The following HTR3E variants were observed in gnomAD, a reference collection of about 807,000 sequenced individuals.
The protein encoded by HTR3E is 5-hydroxytryptamine (serotonin) receptor 3, family member E.
In HTR3E, 38 loss-of-function variants were observed where a neutral mutation model predicts 38.0. The observed-to-expected ratio is 1.00, with a 90% CI of 0.77 to 1.31. The LOEUF is 1.31. Ranked by LOEUF, HTR3E falls within the 50% of genes most tolerant of loss-of-function variation. The pLI is 0.00. For missense variants in HTR3E, 547 were observed against 585.2 expected (o/e 0.93, Z 0.67); for synonymous variants, 210 against 232.9 (o/e 0.90, Z 0.89).
chr3:184,106,188 T>C lies in HTR3E; in HGVS notation c.986T>C (p.Ile329Thr). 1 of 1,612,738 alleles carries C rather than the reference T, an allele frequency of 6.2e-7. No homozygotes were observed. Among genetic ancestry groups the C allele is most frequent in the Non-Finnish European group, 8.5e-7 (1 of 1,179,974 alleles). ...GGCAGCCTGCTGGAGACCATCTTCA[T>C]CACCCACCTGCTGCACGTGGCCACC... ...MVGSLLETIF[I>T]THLLHVATTQ... is the part of the protein sequence containing the mutation. The change falls in exon 8 of 9, where the codon ATC becomes ACC. Residue 329 changes from isoleucine (I) to threonine (T), a missense_variant. Coordinates refer to ENST00000415389, the MANE Select transcript of HTR3E (RefSeq NM_001256613.2). This position sits in a 1 kb window ranked among gnomAD's most constrained non-coding sequence, Gnocchi z 4.1.
rs139988027 is a variant in HTR3E, at chr3:184,097,484, T to A, written c.-46T>A. On this transcript the variant is annotated 5_prime_UTR_variant, in exon 1 of 9. Transcript: ENST00000415389. ...GGCCTGTGCTGCTTTAATCTGGGCA[T>A]TCCTGGGTCCCAGTACATGTTCAGA... The A allele has an allele frequency of 2.3e-4, 336 of 1,432,480 alleles. No homozygotes were observed. The African/African-American group carries it at 3.9e-3, about 17-fold the overall frequency. The allele number at this position is 1,432,480 out of a possible 1,614,324, so 88.7% of individuals were successfully genotyped here.
chr3:184,101,039 G>A (rs987268251), intron 2 of HTR3E, among the ~76,000 whole-genome samples: 8 of 152,126 alleles, frequency 5.3e-5, no homozygotes, highest in Non-Finnish European at 1.0e-4. Flanking sequence ...CACCTCCTGG[G>A]CTCAAGCGAT....
chr3:184,097,633 G>A, intron 1 of HTR3E, 37 bp downstream of exon 1: 3 of 1,469,144 alleles, frequency 2.0e-6, no homozygotes, highest in Non-Finnish European at 2.8e-6. Flanking sequence ...GGCGGAAGAA[G>A]GAGGACCTCT....
At chr3:184,100,406 C>G (rs142990158) in intron 1 of HTR3E, 79 bp from the exon 2 acceptor site, 1 of 1,613,904 alleles carries the variant, frequency 6.2e-7, no homozygotes, top group South Asian at 1.1e-5. Context: ...GGCGACCCCA[C>G]GCCCTGCCTT....
At chr3:184,097,651 A>G (rs6765267) in intron 1 of HTR3E, 55 bp downstream of exon 1, 635,062 of 1,341,112 alleles carry the variant, frequency 0.47, 153,187 homozygotes, top group East Asian at 0.73. Context: ...TCTCTCTAGT[A>G]GAACATCTAG....
At chr3:184,105,556 C>T in intron 6 of HTR3E, 129 bp downstream of exon 6, 1 of 1,133,082 alleles carries the variant, frequency 8.8e-7, no homozygotes, top group Non-Finnish European at 1.2e-6. Context: ...TTCCCAGCCT[C>T]ATTCTTCATC....
chr3:184,097,410 G>T lies in HTR3E; in HGVS notation c.-120G>T, dbSNP rs966240044. 4.4e-6 allele frequency: 3 copies of T among 688,636 alleles called. No homozygotes were observed. The African/African-American group carries it at 5.4e-5, about 12-fold the overall frequency. The allele number at this position is 688,636 out of a possible 1,614,324, so 42.7% of individuals were successfully genotyped here. On this transcript the variant is annotated 5_prime_UTR_variant, in exon 1 of 9. The change abolishes an upstream ATG in the 5' untranslated region. Transcript: ENST00000415389. Reference sequence around the variant, plus strand: ...CACTCTTTGAAGGAAGGTTACAAATGTCAGTGGTCAACCAATGCTATTAGT... The same window carrying T: ...CACTCTTTGAAGGAAGGTTACAAATTTCAGTGGTCAACCAATGCTATTAGT...
At chr3:184,099,763 A>G (rs959237927) in intron 1 of HTR3E, among the ~76,000 whole-genome samples, 1 of 151,256 alleles carries the variant, frequency 6.6e-6, no homozygotes, top group Non-Finnish European at 1.5e-5. Flanking sequence ...CACAATTATT[A>G]TATGTCCATT....
intron 3 of HTR3E, among the ~76,000 whole-genome samples, chr3:184,103,051 A>C (rs1207515100): frequency 2.0e-5 from 3 of 152,274 alleles, no homozygotes; most frequent in African/African-American, 7.2e-5. Context: ...TGAAAATTAT[A>C]CATATGAAAA....
At position 184,100,578 on chromosome 3, in the gene HTR3E, T is replaced by G. The variant is rs750435272; in HGVS notation, c.161T>G (p.Phe54Cys). 6.2e-7 allele frequency: 1 copy of G among 1,614,094 alleles called. No individual in the cohort carries two copies. The highest frequency in any genetic ancestry group is 1.1e-5 in the South Asian group (1 of 91,078). The change falls in exon 2 of 9, where the codon TTC becomes TGC. Residue 54 changes from phenylalanine (F) to cysteine (C), a missense_variant. By Grantham distance (205) the Phe-to-Cys change is radical. Coordinates refer to ENST00000415389, the MANE Select transcript of HTR3E (RefSeq NM_001256613.2). ...ALNSVFNRKP[F>C]RPVTNISVPT... ...AATTCAGTGTTTAATAGAAAGCCCT[T>G]CCGTCCGGTCACCAACATCAGCGTC...
At chr3:184,100,357 A>G in intron 1 of HTR3E, 128 bp from the exon 2 acceptor site, 1 of 1,610,328 alleles carries the variant, frequency 6.2e-7, no homozygotes, top group South Asian at 1.1e-5. Context: ...CCTGACACAC[A>G]GCCAGTGCTC....
intron 3 of HTR3E, among the ~76,000 whole-genome samples, chr3:184,103,977 G>A (rs767573869): frequency 3.3e-5 from 5 of 151,636 alleles, no homozygotes; most frequent in South Asian, 4.2e-4. Context: ...AGGCAGGTTC[G>A]ATTTTATCTA....
chr3:184,105,259 A>T lies in HTR3E; in HGVS notation c.560-8A>T. On this transcript the variant is annotated splice_region_variant and splice_polypyrimidine_tract_variant and intron_variant, in intron 5 of 8. Coordinates refer to ENST00000415389, the MANE Select transcript of HTR3E (RefSeq NM_001256613.2). ...TTGAAAAATGATTCAGATGGTTCTC[A>T]TTTTCAGTGGACAGCATGTTGCTGG... 1 of 1,600,596 alleles carries T rather than the reference A, an allele frequency of 6.2e-7. No individual in the cohort carries two copies. Among genetic ancestry groups the T allele is most frequent in the Admixed American group, 1.8e-5 (1 of 56,710 alleles).
intron 2 of HTR3E, among the ~76,000 whole-genome samples, chr3:184,101,270 C>T (rs1169209676): frequency 6.6e-6 from 1 of 152,184 alleles, no homozygotes; most frequent in Non-Finnish European, 1.5e-5. Context: ...GAGTTATTCT[C>T]ATATACAGCG....
At position 184,106,554 on chromosome 3, in the gene HTR3E, G is replaced by A. The variant is rs376342482; in HGVS notation, c.1232G>A (p.Arg411Gln). Residue 411 changes from arginine to glutamine, a missense_variant, in exon 9 of 9, where the codon CGG becomes CAG. Arg to Gln is a conservative substitution (Grantham distance 43, BLOSUM62 1). Coordinates refer to ENST00000415389, the MANE Select transcript of HTR3E (RefSeq NM_001256613.2). This position sits in a 1 kb window ranked among gnomAD's most constrained non-coding sequence, Gnocchi z 4.1. ...TGGSEWTRAQ[R>Q]EHEAQKQHSV... ...GGCTCAGAATGGACAAGGGCCCAGC[G>A]GGAACACGAGGCCCAGAAGCAGCAC... is the stretch of plus-strand genomic sequence containing the variant. 3.8e-5 allele frequency: 62 copies of A among 1,613,954 alleles called. No individual in the cohort carries two copies. Among genetic ancestry groups the A allele is most frequent in the Middle Eastern group, 1.6e-4 (1 of 6,084 alleles).
rs113012922 is a variant in HTR3E at position 184,099,509 on chromosome 3, T to C, written c.68-976T>C. 6.5e-3 allele frequency among the ~76,000 whole-genome samples: 982 copies of C among 151,474 alleles called. 13 individuals carry two copies. The highest frequency in any genetic ancestry group is 0.014 in the East Asian group (71 of 5,014). The stretch of plus-strand genomic sequence containing the variant: ...GCGGGTGGATCATGAAGTCAGGAGA[T>C]TGAGACCATCCTGGCTAACAAGGTG... On this transcript the variant is annotated intron_variant, in intron 1 of 8. Coordinates refer to ENST00000415389, the MANE Select transcript of HTR3E (RefSeq NM_001256613.2).
rs1038002319 is a variant in HTR3E at position 184,106,275 on chromosome 3, G to T, written c.1073G>T (p.Gly358Val). ...HSLLLHCNSP[G>V]RCCPTAPQKE... ...CTGCTGCTCCACTGCAACAGCCCGG[G>T]GAGATGCTGTCCCACTGCGCCCCAG... Residue 358 changes from glycine to valine, a missense_variant, in exon 8 of 9, where the codon GGG becomes GTG. Transcript: ENST00000415389. The surrounding 1 kb of genome is among the most constrained non-coding windows in gnomAD (Gnocchi z 4.1). 2 of 1,613,266 alleles carry T rather than the reference G, an allele frequency of 1.2e-6. No individual in the cohort carries two copies. Among genetic ancestry groups the T allele is most frequent in the South Asian group, 2.2e-5 (2 of 91,036 alleles).
chr3:184,097,639 C>T (rs1560091904), intron 1 of HTR3E, 43 bp downstream of exon 1: 2 of 1,446,982 alleles, frequency 1.4e-6, no homozygotes, highest in South Asian at 2.4e-5. Context: ...AGAAGGAGGA[C>T]CTCTCTCTAG....
chr3:184,104,646 C>G, intron 4 of HTR3E, 141 bp from the exon 5 acceptor site: 1 of 694,836 alleles, frequency 1.4e-6, no homozygotes. Flanking sequence ...GAGCCCAGGA[C>G]ATGGAAGTTG....
Sources: gnomAD v4.1 joint callset for allele counts (sites outside exome capture counted in the v4.1 genomes callset) on GRCh38, gnomAD v4.1.1 for gene constraint, Gnocchi (gnomAD v3.1) non-coding constraint, MANE v1.5 for transcripts, NCBI Gene and HGNC (gene_info 2026-07-23, HGNC 2026-07-21) for gene names.